ARHGAP6: variants seen among roughly 807,000 people sequenced by gnomAD.
ARHGAP6 encodes rho GTPase-activating protein 6.
Under a neutral mutation model 55.7 loss-of-function variants are expected in ARHGAP6, and 16 were observed. The observed-to-expected ratio is 0.29, with a 90% confidence interval of 0.19 to 0.44. ARHGAP6 has a LOEUF of 0.44. Among genes scored for constraint, ARHGAP6 ranks in the 20% least tolerant of loss-of-function variants. ARHGAP6 has a pLI of 1.00. For synonymous variants in ARHGAP6, 382 were observed against 360.9 expected (o/e 1.06, Z -0.66); for missense variants, 698 against 808.9 (o/e 0.86, Z 1.66).
intron 1 of ARHGAP6, among the ~76,000 whole-genome samples, chrX:11,349,618 G>A (rs913284299): frequency 8.9e-6 from 1 of 111,755 alleles, no homozygotes; most frequent in Non-Finnish European, 1.9e-5. Flanking sequence ...TATATGTTGA[G>A]GCATCCACTG....
chrX:11,415,276 G>A (rs2049733762), intron 1 of ARHGAP6, among the ~76,000 whole-genome samples: 1 of 111,577 alleles, frequency 9.0e-6, no homozygotes, highest in Admixed American at 9.5e-5. Flanking sequence ...CTGTTTAAAT[G>A]TTAATATCAT....
At chrX:11,151,074 G>A (rs898307067) in intron 10 of ARHGAP6, among the ~76,000 whole-genome samples, 2 of 110,757 alleles carry the variant, frequency 1.8e-5, no homozygotes, top group South Asian at 3.8e-4. Flanking sequence ...TTGTTTTGTT[G>A]CAAATATTCA....
rs1306899016 is a variant in ARHGAP6, at chrX:11,220,435, C to T, written c.749-23439G>A. Among the ~76,000 whole-genome samples the T allele has an allele frequency of 1.1e-4, 12 of 111,438 alleles. No individual in the cohort carries two copies. The East Asian group carries it at 2.0e-3, about 18-fold the overall frequency. ...CCCATCAGACTAACAGCGGATCTCT[C>T]GGCAGAAACCCTACAAGCCAGAAGA... is the stretch of plus-strand genomic sequence containing the variant. On this transcript the variant is annotated intron_variant, in intron 2 of 12. Coordinates refer to ENST00000337414, the MANE Select transcript of ARHGAP6 (RefSeq NM_013427.3).
intron 1 of ARHGAP6, among the ~76,000 whole-genome samples, chrX:11,580,825 T>C (rs1218044675): frequency 1.8e-5 from 2 of 112,300 alleles, no homozygotes; most frequent in Non-Finnish European, 1.9e-5. Flanking sequence ...AGGTTTTGTG[T>C]TTCTCTCTTC....
rs761735603 is a variant in ARHGAP6, at chrX:11,408,820, T to C, written c.589-154113A>G. Among the ~76,000 whole-genome samples the C allele has an allele frequency of 3.6e-5, 4 of 110,401 alleles. No individual in the cohort carries two copies. The South Asian group carries it at 1.6e-3, about 44-fold the overall frequency. The stretch of plus-strand genomic sequence containing the variant: ...GGTATCCTGGCAATAAAAGACCTCC[T>C]ATTCTGAGTGTCCAAAAGGCTGTAA... On this transcript the variant is annotated intron_variant, in intron 1 of 12. Coordinates refer to ENST00000337414, the MANE Select transcript of ARHGAP6 (RefSeq NM_013427.3).
Position 11,281,519 on chromosome X carries a change from C to G in ARHGAP6, c.589-26812G>C, listed in dbSNP as rs756383855. ...TAAGTGTCCATCAGTGAGCAACTGGCTAACTAAACTACGGGGTATCTATTC... is the reference window on the plus strand; with the variant it reads ...TAAGTGTCCATCAGTGAGCAACTGGGTAACTAAACTACGGGGTATCTATTC... On this transcript the variant is annotated intron_variant, in intron 1 of 12. Transcript: ENST00000337414. Among the ~76,000 whole-genome samples the G allele has an allele frequency of 2.7e-5, 3 of 110,956 alleles. No homozygotes were observed. In the East Asian group the frequency reaches 8.4e-4, roughly 31 times the overall value.
chrX:11,276,069 GAC>G (rs1268811239), intron 1 of ARHGAP6, among the ~76,000 whole-genome samples: 8 of 111,491 alleles, frequency 7.2e-5, no homozygotes, highest in African/African-American at 2.3e-4. Context: ...AAATGACCTA[GAC>G]ACTTGAGATG....
At chrX:11,584,531 A>C (rs993010988) in intron 1 of ARHGAP6, among the ~76,000 whole-genome samples, 1 of 111,600 alleles carries the variant, frequency 9.0e-6, no homozygotes, top group Non-Finnish European at 1.9e-5. Flanking sequence ...GTGTTTATCA[A>C]CCCCTTTGAG....
At chrX:11,632,236 AT>A (rs2052368783) in intron 1 of ARHGAP6, among the ~76,000 whole-genome samples, 1 of 112,736 alleles carries the variant, frequency 8.9e-6, no homozygotes, top group Non-Finnish European at 1.9e-5. Context: ...TAGCAAAGAC[AT>A]TAGATTAAGA....
intron 1 of ARHGAP6, among the ~76,000 whole-genome samples, chrX:11,608,320 C>A (rs1166279427): frequency 8.9e-6 from 1 of 111,749 alleles, no homozygotes. Flanking sequence ...ATTTTTTCTG[C>A]AAAATTGGAT....
chrX:11,498,632 C>A (rs1270110954), intron 1 of ARHGAP6, among the ~76,000 whole-genome samples: 1 of 111,617 alleles, frequency 9.0e-6, no homozygotes, highest in African/African-American at 3.3e-5. Context: ...TTTCAGCCTC[C>A]TGAACTTTGG....
rs900852138 is a variant in ARHGAP6 at position 11,423,685 on chromosome X, C to G, written c.589-168978G>C. Among the ~76,000 whole-genome samples, 3 of 112,906 alleles carry G rather than the reference C, an allele frequency of 2.7e-5. No individual in the cohort carries two copies. In the East Asian group the frequency reaches 8.3e-4, roughly 31 times the overall value. The stretch of plus-strand genomic sequence containing the variant: ...CTGAGCACCTACTGTGCTTCCAGCA[C>G]TCTGCTAGGTGTCCAGGTGACAGCA... On this transcript the variant is annotated intron_variant, in intron 1 of 12. Transcript: ENST00000337414.
At chrX:11,335,415 C>T (rs144172630) in intron 1 of ARHGAP6, among the ~76,000 whole-genome samples, 177 of 110,991 alleles carry the variant, frequency 1.6e-3, no homozygotes, top group African/African-American at 5.6e-3. Flanking sequence ...TATTCCCCTC[C>T]CTATGTCCAT....
At chrX:11,557,359 A>G (rs2051330996) in intron 1 of ARHGAP6, among the ~76,000 whole-genome samples, 1 of 111,908 alleles carries the variant, frequency 8.9e-6, no homozygotes, top group Middle Eastern at 4.2e-3. Context: ...TAAAATACTA[A>G]GAGTTTGTAT....
intron 1 of ARHGAP6, among the ~76,000 whole-genome samples, chrX:11,440,177 A>C (rs1485797141): frequency 8.9e-6 from 1 of 112,475 alleles, no homozygotes; most frequent in Non-Finnish European, 1.9e-5. Context: ...CTTGTCTTAA[A>C]AACCCTAGGC....
intron 2 of ARHGAP6, among the ~76,000 whole-genome samples, chrX:11,213,624 C>A (rs756408129): frequency 7.1e-5 from 8 of 112,385 alleles, no homozygotes; most frequent in African/African-American, 2.3e-4. Flanking sequence ...GAACTATAGA[C>A]CATTATTTTA....
At chrX:11,399,412 A>G (rs1164320725) in intron 1 of ARHGAP6, among the ~76,000 whole-genome samples, 1 of 109,459 alleles carries the variant, frequency 9.1e-6, no homozygotes, top group Non-Finnish European at 1.9e-5. Context: ...TAAATGGATC[A>G]TTGTCCTAAG....
At chrX:11,312,461 T>C (rs1250124996) in intron 1 of ARHGAP6, among the ~76,000 whole-genome samples, 2 of 111,800 alleles carry the variant, frequency 1.8e-5, no homozygotes, top group Non-Finnish European at 3.8e-5. Context: ...TCCAAACCAA[T>C]CATCTTTGTG....
intron 1 of ARHGAP6, among the ~76,000 whole-genome samples, chrX:11,468,528 A>G (rs1339839968): frequency 8.9e-6 from 1 of 112,301 alleles, no homozygotes; most frequent in East Asian, 2.8e-4. Context: ...TTTATTTTGA[A>G]TCTACTCAAT....
Sources: gnomAD v4.1 joint callset for allele counts (sites outside exome capture counted in the v4.1 genomes callset) on GRCh38, gnomAD v4.1.1 for gene constraint, MANE v1.5 for transcripts, NCBI Gene and HGNC (gene_info 2026-07-23, HGNC 2026-07-21) for gene names.